PODXL2: variants seen among roughly 807,000 people sequenced by gnomAD.
PODXL2 encodes podocalyxin like 2.
PODXL2 carries 17 observed loss-of-function variants against 53.4 expected under a neutral mutation model. That is an observed-to-expected ratio of 0.32 (90% confidence interval 0.22 to 0.48). The LOEUF (loss-of-function observed/expected upper bound fraction) is 0.48. Ranked by LOEUF, PODXL2 falls within the 20% of genes least tolerant of loss-of-function variation. The pLI, the probability that PODXL2 is intolerant of heterozygous loss-of-function variation, is 0.99. For synonymous variants in PODXL2, 311 were observed against 306.7 expected (o/e 1.01, Z -0.15); for missense variants, 673 against 760.0 (o/e 0.89, Z 1.35).
intron 4 of PODXL2, among the ~76,000 whole-genome samples, chr3:127,667,064 C>A (rs1354362181): frequency 6.6e-6 from 1 of 152,250 alleles, no homozygotes; most frequent in East Asian, 1.9e-4. Flanking sequence ...AGAACCATCA[C>A]AGAACTAGGG....
Position 127,629,740 on chromosome 3 carries a change from T to A in PODXL2, c.70+451T>A, listed in dbSNP as rs2074530504. ...CATTGTGAAGGTCCCAGGGGCCGCCTGCGGAGTGTGGGGCGGGTACGCTGA... is the reference window on the plus strand; with the variant it reads ...CATTGTGAAGGTCCCAGGGGCCGCCAGCGGAGTGTGGGGCGGGTACGCTGA... On this transcript the variant is annotated intron_variant, in intron 1 of 7. Coordinates refer to ENST00000342480, the MANE Select transcript of PODXL2 (RefSeq NM_015720.4). The surrounding 1 kb of genome is among the most constrained non-coding windows in gnomAD (Gnocchi z 6.4). Among the ~76,000 whole-genome samples the A allele has an allele frequency of 6.6e-6, 1 of 152,046 alleles. No homozygotes were observed. The highest frequency in any genetic ancestry group is 1.5e-5 in the Non-Finnish European group (1 of 67,976).
Position 127,660,970 on chromosome 3 carries a change from T to A in PODXL2, c.942T>A (p.Ala314=). The A allele has an allele frequency of 6.2e-7, 1 of 1,614,138 alleles. No homozygotes were observed. The highest frequency in any genetic ancestry group is 8.5e-7 in the Non-Finnish European group (1 of 1,180,030). The change falls in exon 3 of 8, where the codon GCT becomes GCA. Residue 314 remains alanine (A), a synonymous_variant. Transcript: ENST00000342480. ...TGCCTTCATTCCCTCAAACCACAGC[T>A]CCCAGTGGGGCCGAGCACCCAGATG... is the stretch of plus-strand genomic sequence containing the variant. ...PALPSFPQTT[A]PSGAEHPDED...
At chr3:127,651,417 C>T (rs978816308) in intron 2 of PODXL2, among the ~76,000 whole-genome samples, 1 of 152,214 alleles carries the variant, frequency 6.6e-6, no homozygotes, top group East Asian at 1.9e-4. Context: ...TACATTGTTT[C>T]CTCTGAAGGC....
At chr3:127,646,383 A>G (rs1193401268) in intron 2 of PODXL2, among the ~76,000 whole-genome samples, 6 of 150,742 alleles carry the variant, frequency 4.0e-5, no homozygotes, top group South Asian at 2.1e-4. Flanking sequence ...CCATTTTTCC[A>G]TAGATTTTTT....
chr3:127,638,606 T>C (rs1365281594), intron 1 of PODXL2, among the ~76,000 whole-genome samples: 1 of 152,000 alleles, frequency 6.6e-6, no homozygotes, highest in Non-Finnish European at 1.5e-5. Flanking sequence ...TGCCAGCTAC[T>C]TGGGGGGCTG....
chr3:127,672,791 C>T lies in PODXL2; in HGVS notation c.*311C>T, dbSNP rs2074866086. 3 of 341,246 alleles carry T rather than the reference C, an allele frequency of 8.8e-6. No homozygotes were observed. Among genetic ancestry groups the T allele is most frequent in the Non-Finnish European group, 1.0e-5 (2 of 196,542 alleles). 21.1% of individuals were successfully genotyped at this position (341,246 alleles called of 1,614,324 possible). On this transcript the variant is annotated 3_prime_UTR_variant, in exon 8 of 8. Coordinates refer to ENST00000342480, the MANE Select transcript of PODXL2 (RefSeq NM_015720.4). ...CAATTAAACCCGCCCGGAGACCACG[C>T]CGGGCCCAGCGCGTCTGCCTTCTTG...
Position 127,660,860 on chromosome 3 carries a change from G to C in PODXL2, c.832G>C (p.Glu278Gln), listed in dbSNP as rs754702712. The change falls in exon 3 of 8, where the codon GAG becomes CAG. Residue 278 changes from glutamate (E) to glutamine (Q), a missense_variant. Transcript: ENST00000342480. The stretch of plus-strand genomic sequence containing the variant: ...GCTGCCAGCTGCAGGGCTTGGGGTA[G>C]AGTTCGAGGCTCCTCAGGAAGCAAG... The part of the protein sequence containing the change: ...TVLPAAGLGV[E>Q]FEAPQEASEE... The C allele has an allele frequency of 4.3e-6, 7 of 1,614,152 alleles. No individual in the cohort carries two copies. Among genetic ancestry groups the C allele is most frequent in the Non-Finnish European group, 5.9e-6 (7 of 1,180,054 alleles).
chr3:127,668,069 C>T (rs1407087843), intron 4 of PODXL2, among the ~76,000 whole-genome samples: 1 of 151,682 alleles, frequency 6.6e-6, no homozygotes, highest in Non-Finnish European at 1.5e-5. Flanking sequence ...CTCTGTGTAC[C>T]CAGTTTCTGG....
intron 2 of PODXL2, among the ~76,000 whole-genome samples, chr3:127,645,791 G>C (rs1236657349): frequency 6.6e-6 from 1 of 152,238 alleles, no homozygotes; most frequent in African/African-American, 2.4e-5. Flanking sequence ...CAGCCCAGGG[G>C]ACAGTGGCGT....
At chr3:127,670,924 G>A (rs1376600078) in intron 6 of PODXL2, among the ~76,000 whole-genome samples, 2 of 152,216 alleles carry the variant, frequency 1.3e-5, no homozygotes, top group Non-Finnish European at 2.9e-5. Flanking sequence ...CAGCCGGGGT[G>A]GCCCCCCATG....
Position 127,672,548 on chromosome 3 carries a change from C to T in PODXL2, c.*68C>T, listed in dbSNP as rs1461079887. The T allele has an allele frequency of 1.0e-5, 11 of 1,076,358 alleles. No homozygotes were observed. Among genetic ancestry groups the T allele is most frequent in the South Asian group, 1.7e-5 (1 of 57,494 alleles). The allele number at this position is 1,076,358 out of a possible 1,614,324, so 66.7% of individuals were successfully genotyped here. ...GAGGTGGACCCCGAAACGGACGGCCCGGAGCCCGCACCAGCCCCGCGCCTA... is the reference window on the plus strand; with the variant it reads ...GAGGTGGACCCCGAAACGGACGGCCTGGAGCCCGCACCAGCCCCGCGCCTA... On this transcript the variant is annotated 3_prime_UTR_variant, in exon 8 of 8. Coordinates refer to ENST00000342480, the MANE Select transcript of PODXL2 (RefSeq NM_015720.4).
Position 127,669,169 on chromosome 3 carries a change from C to T in PODXL2, c.1392C>T (p.Ser464=), listed in dbSNP as rs775371327. ...QGVVPTQDVL[S]MLGDIRRSLE... is the part of the protein sequence containing the mutation. Reference sequence around the variant, plus strand: ...TGGTGCCCACTCAAGATGTCCTTTCCATGCTGGGTGACATCCGCAGGAGCC... The same window carrying T: ...TGGTGCCCACTCAAGATGTCCTTTCTATGCTGGGTGACATCCGCAGGAGCC... Residue 464 remains serine, a synonymous_variant, in exon 6 of 8, where the codon TCC becomes TCT. Transcript: ENST00000342480. 2.5e-6 allele frequency: 4 copies of T among 1,607,800 alleles called. No homozygotes were observed. In the South Asian group the frequency reaches 3.3e-5, roughly 13 times the overall value.
intron 1 of PODXL2, among the ~76,000 whole-genome samples, chr3:127,638,698 G>C (rs2074594296): frequency 1.3e-5 from 2 of 152,120 alleles, no homozygotes; most frequent in Admixed American, 1.3e-4. Flanking sequence ...CTGGGCGACA[G>C]AGCAAGACTC....
intron 2 of PODXL2, among the ~76,000 whole-genome samples, chr3:127,641,853 G>T (rs2074623038): frequency 6.6e-6 from 1 of 152,052 alleles, no homozygotes; most frequent in South Asian, 2.1e-4. Context: ...CATCATGTGG[G>T]TCATCAGGTG....
At chr3:127,655,192 C>G (rs555052894) in intron 2 of PODXL2, among the ~76,000 whole-genome samples, 2 of 152,092 alleles carry the variant, frequency 1.3e-5, no homozygotes, top group East Asian at 2.0e-4. Flanking sequence ...ATCCACCCCC[C>G]GCTTGGCCTC....
intron 2 of PODXL2, among the ~76,000 whole-genome samples, chr3:127,647,331 T>A (rs2074662737): frequency 6.6e-6 from 1 of 152,206 alleles, no homozygotes; most frequent in South Asian, 2.1e-4. Context: ...TGTTAATGAT[T>A]AGGAGCAGTC....
intron 1 of PODXL2, among the ~76,000 whole-genome samples, chr3:127,631,068 C>T (rs1440407684): frequency 6.6e-6 from 1 of 152,204 alleles, no homozygotes; most frequent in Admixed American, 6.5e-5. Flanking sequence ...GTGCGTGTGT[C>T]TAGCAGTGTG....
rs1017110271 is a variant in PODXL2 at position 127,629,808 on chromosome 3, G to T, written c.70+519G>T. 1.3e-5 allele frequency among the ~76,000 whole-genome samples: 2 copies of T among 152,194 alleles called. No homozygotes were observed. The highest frequency in any genetic ancestry group is 2.4e-5 in the African/African-American group (1 of 41,464). On this transcript the variant is annotated intron_variant, in intron 1 of 7. Coordinates refer to ENST00000342480, the MANE Select transcript of PODXL2 (RefSeq NM_015720.4). This position sits in a 1 kb window ranked among gnomAD's most constrained non-coding sequence, Gnocchi z 6.4. ...ACGCGTGGCGTTGCCGGGAGGGAGT[G>T]TGAGTGTGTCACGGTGAATGGGTAT...
intron 2 of PODXL2, among the ~76,000 whole-genome samples, chr3:127,650,985 C>T (rs2074685279): frequency 6.6e-6 from 1 of 152,080 alleles, no homozygotes; most frequent in Non-Finnish European, 1.5e-5. Context: ...TGTGGTGAGG[C>T]TGGGTGCGAT....
Sources: allele counts gnomAD v4.1 joint callset (sites outside exome capture counted in the v4.1 genomes callset), GRCh38; gene constraint gnomAD v4.1.1; non-coding constraint Gnocchi (gnomAD v3.1); transcripts MANE v1.5; gene names NCBI Gene and HGNC (gene_info 2026-07-23, HGNC 2026-07-21).